Variants in OSBPL8 observed in about 807,000 individuals in gnomAD.
OSBPL8 encodes the protein oxysterol binding protein like 8.
Under a neutral mutation model 125.5 loss-of-function variants are expected in OSBPL8, and 59 were observed. That is an observed-to-expected ratio of 0.47 (90% CI 0.38 to 0.58). The LOEUF is 0.58. OSBPL8 is among the 20% of genes least tolerant of loss of function. The pLI is 0.00. For synonymous variants in OSBPL8, 330 were observed against 338.9 expected (o/e 0.97, Z 0.29); for missense variants, 758 against 1,047.8 (o/e 0.72, Z 3.82).
At chr12:76,421,811 T>C (rs1020067580) in intron 4 of OSBPL8, among the ~76,000 whole-genome samples, 2 of 152,016 alleles carry the variant, frequency 1.3e-5, no homozygotes, top group African/African-American at 2.4e-5. Context: ...TTTCAAACAA[T>C]AAAAGATCAA....
chr12:76,464,483 A>G lies in OSBPL8; in HGVS notation c.43-4588T>C, dbSNP rs537782718. 7.9e-5 allele frequency among the ~76,000 whole-genome samples: 12 copies of G among 152,334 alleles called. No individual in the cohort carries two copies. In the South Asian group the frequency reaches 2.1e-3, roughly 26 times the overall value. On this transcript the variant is annotated intron_variant, in intron 2 of 23. Transcript: ENST00000261183. The stretch of plus-strand genomic sequence containing the variant: ...TATAGCCATTACCCAAATATTTACT[A>G]ATTTTAGTCTATAAATCTCAGAAAT...
In OSBPL8 at chr12:76,392,755, A is replaced by G. The variant is rs767550604; in HGVS notation, c.758-3T>C. ...CAAAGCATCCATCCAGCACCTTCCTAAAAGAACACAGATTCATAAGCACTA... is the reference window on the plus strand; with the variant it reads ...CAAAGCATCCATCCAGCACCTTCCTGAAAGAACACAGATTCATAAGCACTA... On this transcript the variant is annotated splice_polypyrimidine_tract_variant and splice_region_variant and intron_variant, in intron 9 of 23. Coordinates refer to ENST00000261183, the MANE Select transcript of OSBPL8 (RefSeq NM_020841.5). The G allele has an allele frequency of 5.0e-6, 8 of 1,599,076 alleles. No individual in the cohort carries two copies. The highest frequency in any genetic ancestry group is 1.3e-5 in the African/African-American group (1 of 74,696).
At position 76,366,790 on chromosome 12, in the gene OSBPL8, G is replaced by A. The variant is rs554800607; in HGVS notation, c.2328+2424C>T. 5.3e-5 allele frequency among the ~76,000 whole-genome samples: 8 copies of A among 150,604 alleles called. No homozygotes were observed. In the East Asian group the frequency reaches 1.6e-3, roughly 29 times the overall value. ...TGTTTTTCTTTGACCCATTGAGTTTGTTTTGTTTTGTTTTGTTTGTTTCTG... is the reference window on the plus strand; with the variant it reads ...TGTTTTTCTTTGACCCATTGAGTTTATTTTGTTTTGTTTTGTTTGTTTCTG... On this transcript the variant is annotated intron_variant, in intron 21 of 23. Transcript: ENST00000261183.
At chr12:76,433,383 G>T (rs755212008) in intron 4 of OSBPL8, among the ~76,000 whole-genome samples, 6 of 151,802 alleles carry the variant, frequency 4.0e-5, no homozygotes, top group Non-Finnish European at 8.8e-5. Flanking sequence ...AAAGTTGCAG[G>T]ATACAAAAAT....
At chr12:76,414,418 T>C (rs940373923) in intron 4 of OSBPL8, among the ~76,000 whole-genome samples, 14 of 150,258 alleles carry the variant, frequency 9.3e-5, no homozygotes, top group Non-Finnish European at 1.9e-4. Context: ...TATATTAATA[T>C]ATATATTTAA....
At chr12:76,504,893 A>G (rs1880261162) in intron 1 of OSBPL8, among the ~76,000 whole-genome samples, 1 of 152,128 alleles carries the variant, frequency 6.6e-6, no homozygotes, top group South Asian at 2.1e-4. Context: ...AGGCTTCTGC[A>G]TTTCTGGTGA....
chr12:76,371,442 A>T lies in OSBPL8; in HGVS notation c.2054+6T>A. 6.2e-7 allele frequency: 1 copy of T among 1,602,806 alleles called. No homozygotes were observed. On this transcript the variant is annotated splice_donor_region_variant and intron_variant, in intron 19 of 23. Coordinates refer to ENST00000261183, the MANE Select transcript of OSBPL8 (RefSeq NM_020841.5). ...CATGAAGTTAGCTGTAAAACAGTAT[A>T]CTTACTTCTCTGATTCAAAATCTCC...
chr12:76,530,931 T>C (rs1313529831), intron 1 of OSBPL8, among the ~76,000 whole-genome samples: 1 of 152,214 alleles, frequency 6.6e-6, no homozygotes, highest in African/African-American at 2.4e-5. Flanking sequence ...ACTACATAAA[T>C]GAACCCAACT....
chr12:76,495,002 C>T (rs537267099), intron 1 of OSBPL8, among the ~76,000 whole-genome samples: 52 of 152,100 alleles, frequency 3.4e-4, no homozygotes, highest in Non-Finnish European at 7.4e-4. Flanking sequence ...TCTTAAGCTT[C>T]GGGGCCACTA....
chr12:76,355,838 C>A lies in OSBPL8; in HGVS notation c.*51G>T. 6.3e-7 allele frequency: 1 copy of A among 1,578,218 alleles called. No individual in the cohort carries two copies. Among genetic ancestry groups the A allele is most frequent in the South Asian group, 1.2e-5 (1 of 85,678 alleles). ...AGACCAAACCAACTTGAACACTGGT[C>A]CCAGGCCAAATCAGATCTTTCTAGT... On this transcript the variant is annotated 3_prime_UTR_variant, in exon 24 of 24. Coordinates refer to ENST00000261183, the MANE Select transcript of OSBPL8 (RefSeq NM_020841.5).
intron 4 of OSBPL8, among the ~76,000 whole-genome samples, chr12:76,438,679 T>C (rs956964783): frequency 1.3e-5 from 2 of 152,248 alleles, no homozygotes; most frequent in Non-Finnish European, 2.9e-5. Flanking sequence ...TAAGAGTTTT[T>C]ATCGTGAGTA....
chr12:76,511,226 G>A (rs1458822113), intron 1 of OSBPL8, among the ~76,000 whole-genome samples: 1 of 152,150 alleles, frequency 6.6e-6, no homozygotes, highest in Non-Finnish European at 1.5e-5. Flanking sequence ...TGTCTTTATG[G>A]TACAGTGATT....
At chr12:76,406,702 A>C (rs1954275918) in intron 5 of OSBPL8, among the ~76,000 whole-genome samples, 1 of 152,150 alleles carries the variant, frequency 6.6e-6, no homozygotes, top group East Asian at 1.9e-4. Flanking sequence ...TGCAGCCTCC[A>C]ACTCCTGGGC....
intron 5 of OSBPL8, among the ~76,000 whole-genome samples, chr12:76,404,456 C>T (rs1027012566): frequency 2.6e-5 from 4 of 152,096 alleles, no homozygotes; most frequent in Non-Finnish European, 4.4e-5. Flanking sequence ...GTTTGAACTG[C>T]GTGGGTCCAC....
rs953558460 is a variant in OSBPL8 at position 76,369,006 on chromosome 12, A to G, written c.2328+208T>C. On this transcript the variant is annotated intron_variant, in intron 21 of 23. Transcript: ENST00000261183. ...ACCAGTGTTCACTTGGTTGCTGAAC[A>G]CCTCTGACTGTTTTCCAGAGTTCTG... Among the ~76,000 whole-genome samples the G allele has an allele frequency of 2.0e-5, 3 of 152,060 alleles. No individual in the cohort carries two copies. In the East Asian group the frequency reaches 5.8e-4, roughly 29 times the overall value.
At chr12:76,499,350 C>CTATCTATCTATCTATCATCT (rs71082312) in intron 1 of OSBPL8, among the ~76,000 whole-genome samples, 3,725 of 107,262 alleles carry the variant, frequency 0.035, 60 homozygotes, top group Admixed American at 0.052. Flanking sequence ...ATCTATCTAT[C>CTATCTATCTATCTATCATCT]ATCTATCTAT....
At chr12:76,522,706 ATAATGAGC>A (rs1950056173) in intron 1 of OSBPL8, among the ~76,000 whole-genome samples, 1 of 152,230 alleles carries the variant, frequency 6.6e-6, no homozygotes, top group Non-Finnish European at 1.5e-5. Context: ...AGCCTGAAGA[ATAATGAGC>A]TAAACAAACC....
chr12:76,499,674 A>C (rs1267141612), intron 1 of OSBPL8, among the ~76,000 whole-genome samples: 1 of 152,016 alleles, frequency 6.6e-6, no homozygotes, highest in Non-Finnish European at 1.5e-5. Flanking sequence ...AAAATGTTGA[A>C]ACCTCGTCTC....
intron 3 of OSBPL8, among the ~76,000 whole-genome samples, chr12:76,453,539 T>G (rs1487540174): frequency 1.3e-5 from 2 of 152,088 alleles, no homozygotes; most frequent in Admixed American, 1.3e-4. Context: ...ATTGGAAAAG[T>G]AGAGAGAACT....
Sources: allele counts gnomAD v4.1 joint callset (sites outside exome capture counted in the v4.1 genomes callset), GRCh38; gene constraint gnomAD v4.1.1; transcripts MANE v1.5; gene names NCBI Gene and HGNC (gene_info 2026-07-23, HGNC 2026-07-21).